The following CATSPER3 variants were observed in gnomAD, a reference collection of about 807,000 sequenced individuals.
The protein encoded by CATSPER3 is cation channel sperm-associated protein 3.
CATSPER3 carries 23 observed loss-of-function variants against 36.6 expected under a neutral mutation model. The observed-to-expected ratio is 0.63, with a 90% CI of 0.45 to 0.89. The LOEUF is 0.89. CATSPER3 is among the 40% of genes least tolerant of loss of function. The probability of loss-of-function intolerance (pLI) is 0.00; values close to 1 mark genes in which losing one functional copy is unlikely to be tolerated. For missense variants in CATSPER3, 474 were observed against 503.9 expected, an observed-to-expected ratio of 0.94 and a Z score of 0.57; for synonymous variants, 172 against 184.1, an observed-to-expected ratio of 0.93 and a Z score of 0.53.
At chr5:134,980,840 T>C (rs1204824673) in intron 2 of CATSPER3, among the ~76,000 whole-genome samples, 6 of 152,066 alleles carry the variant, frequency 3.9e-5, no homozygotes, top group African/African-American at 1.2e-4. Context: ...GATCCCCACA[T>C]ATCAGCCTCC....
chr5:134,995,163 T>C (rs1004075220), intron 2 of CATSPER3, among the ~76,000 whole-genome samples: 4 of 152,184 alleles, frequency 2.6e-5, no homozygotes, highest in African/African-American at 9.7e-5. Context: ...TATTCTCTTC[T>C]AGTTATCTTG....
intron 2 of CATSPER3, among the ~76,000 whole-genome samples, chr5:134,980,558 G>A (rs968580217): frequency 6.6e-6 from 1 of 150,832 alleles, no homozygotes; most frequent in South Asian, 2.1e-4. Context: ...AGCCTCCCGA[G>A]TAGCTGGGAT....
intron 6 of CATSPER3, among the ~76,000 whole-genome samples, chr5:135,009,725 C>T (rs1222178770): frequency 7.5e-6 from 1 of 133,916 alleles, no homozygotes. Flanking sequence ...ATAATGTCTC[C>T]CTCTGTTGTG....
intron 3 of CATSPER3, among the ~76,000 whole-genome samples, chr5:135,001,161 T>G (rs1752014756): frequency 6.6e-6 from 1 of 152,242 alleles, no homozygotes; most frequent in African/African-American, 2.4e-5. Context: ...CATCTTTATT[T>G]CTGCATTCAT....
chr5:134,985,824 A>G (rs1751800959), intron 2 of CATSPER3, among the ~76,000 whole-genome samples: 1 of 151,814 alleles, frequency 6.6e-6, no homozygotes, highest in South Asian at 2.1e-4. Context: ...ACTTGAGCCC[A>G]GGAAGTCAAG....
Position 135,010,432 on chromosome 5 carries a change from C to T in CATSPER3, c.996C>T (p.Ser332=). 1 of 1,613,468 alleles carries T rather than the reference C, an allele frequency of 6.2e-7. No homozygotes were observed. Among genetic ancestry groups the T allele is most frequent in the Non-Finnish European group, 8.5e-7 (1 of 1,179,382 alleles). ...TGGAGAACTTTAAGAAGACCTTGAG[C>T]CACACTGACCCAATGGTCTTGGATG... The part of the protein sequence containing the change: ...ELVENFKKTL[S]HTDPMVLDDF... The change falls in exon 7 of 8, where the codon AGC becomes AGT. Residue 332 remains serine (S), a synonymous_variant. Transcript: ENST00000282611.
Position 135,004,246 on chromosome 5 carries a change from A to C in CATSPER3, c.493-3711A>C, listed in dbSNP as rs189232275. Among the ~76,000 whole-genome samples, 3 of 152,240 alleles carry C rather than the reference A, an allele frequency of 2.0e-5. No individual in the cohort carries two copies. In the East Asian group the frequency reaches 5.8e-4, roughly 29 times the overall value. On this transcript the variant is annotated intron_variant, in intron 3 of 7. Transcript: ENST00000282611. ...TTGTCCACATCTCTTCATTCCTGTC[A>C]CCATCAGCCTCACCTGGATTCCTGC...
intron 2 of CATSPER3, among the ~76,000 whole-genome samples, chr5:134,988,142 T>C (rs1751833653): frequency 6.6e-6 from 1 of 152,202 alleles, no homozygotes; most frequent in Non-Finnish European, 1.5e-5. Flanking sequence ...GCAATAGCAT[T>C]AGATCTTAAA....
chr5:134,985,763 G>T (rs1355985674), intron 2 of CATSPER3, among the ~76,000 whole-genome samples: 1 of 151,482 alleles, frequency 6.6e-6, no homozygotes, highest in East Asian at 2.0e-4. Flanking sequence ...AAAAAGAGTG[G>T]TGATGTATGC....
At chr5:134,972,905 A>G (rs371733959) in intron 2 of CATSPER3, among the ~76,000 whole-genome samples, 139 of 152,354 alleles carry the variant, frequency 9.1e-4, no homozygotes, top group African/African-American at 3.1e-3. Flanking sequence ...TATCAATGCA[A>G]TGTGGCTTAT....
intron 2 of CATSPER3, among the ~76,000 whole-genome samples, chr5:134,978,643 G>A (rs1460391679): frequency 1.3e-5 from 2 of 151,796 alleles, no homozygotes; most frequent in African/African-American, 2.4e-5. Flanking sequence ...AAATAAACAT[G>A]TAAAGACTGG....
At chr5:134,980,241 C>G (rs188487) in intron 2 of CATSPER3, among the ~76,000 whole-genome samples, 2 of 151,536 alleles carry the variant, frequency 1.3e-5, no homozygotes, top group Admixed American at 1.3e-4. Flanking sequence ...CTGGGCCTCC[C>G]GAAGCACTGG....
At chr5:134,979,228 T>C (rs1429759789) in intron 2 of CATSPER3, among the ~76,000 whole-genome samples, 1 of 151,734 alleles carries the variant, frequency 6.6e-6, no homozygotes, top group Non-Finnish European at 1.5e-5. Flanking sequence ...CCTCAGCTGC[T>C]TGGGCTCAAG....
chr5:134,978,669 ACTGT>A (rs780327963), intron 2 of CATSPER3, among the ~76,000 whole-genome samples: 3 of 152,038 alleles, frequency 2.0e-5, no homozygotes, highest in Non-Finnish European at 4.4e-5. Context: ...AAGAAATAAA[ACTGT>A]CTTTGTTCAC....
In CATSPER3 at chr5:134,969,980, T is replaced by A; in HGVS notation, c.140T>A (p.Ile47Lys). ...DECRAFVKRV[I>K]MSRFFKIIMI... ...TGTCGGGCATTTGTGAAGAGAGTCA[T>A]AATGAGCCGTTTCTTTAAGATAATT... Residue 47 changes from isoleucine to lysine, a missense_variant, in exon 2 of 8, where the codon ATA (isoleucine) becomes AAA (lysine). Physicochemically the swap from Ile to Lys is moderately radical, Grantham distance 102. Transcript: ENST00000282611. 1 of 1,614,176 alleles carries A rather than the reference T, an allele frequency of 6.2e-7. No individual in the cohort carries two copies. The highest frequency in any genetic ancestry group is 8.5e-7 in the Non-Finnish European group (1 of 1,180,028).
At chr5:134,994,409 TCAAA>T (rs1751918986) in intron 2 of CATSPER3, among the ~76,000 whole-genome samples, 1 of 152,198 alleles carries the variant, frequency 6.6e-6, no homozygotes, top group Non-Finnish European at 1.5e-5. Flanking sequence ...AGTCTGATAG[TCAAA>T]GTGTTAGCAA....
chr5:134,978,971 C>T (rs1359976629), intron 2 of CATSPER3, among the ~76,000 whole-genome samples: 1 of 152,118 alleles, frequency 6.6e-6, no homozygotes, highest in Non-Finnish European at 1.5e-5. Context: ...ATCTGCCCGC[C>T]TCGGCCTCCC....
chr5:134,981,335 A>G lies in CATSPER3; in HGVS notation c.252+11243A>G, dbSNP rs555094622. On this transcript the variant is annotated intron_variant, in intron 2 of 7. Coordinates refer to ENST00000282611, the MANE Select transcript of CATSPER3 (RefSeq NM_178019.3). ...GTGAAACCCTGTCTCTAATAAAAAT[A>G]CAAAAAAATTAGCCAGGCATGGTGC... is the stretch of plus-strand genomic sequence containing the variant. Among the ~76,000 whole-genome samples, 177 of 152,240 alleles carry G rather than the reference A, an allele frequency of 1.2e-3. 1 individual carries two copies. The highest frequency in any genetic ancestry group is 4.0e-3 in the African/African-American group (167 of 41,526).
intron 2 of CATSPER3, among the ~76,000 whole-genome samples, chr5:134,984,004 A>G (rs1751778841): frequency 6.6e-6 from 1 of 152,210 alleles, no homozygotes; most frequent in Admixed American, 6.5e-5. Flanking sequence ...CAACCAACCC[A>G]TATTCAAAGC....
Sources: gnomAD v4.1 joint callset for allele counts (sites outside exome capture counted in the v4.1 genomes callset) on GRCh38, gnomAD v4.1.1 for gene constraint, MANE v1.5 for transcripts, NCBI Gene and HGNC (gene_info 2026-07-23, HGNC 2026-07-21) for gene names.